The following MMP26 variants were observed in gnomAD, a reference collection of about 807,000 sequenced individuals.
The protein encoded by MMP26 is matrix metallopeptidase 26.
MMP26 carries 33 observed loss-of-function variants against 31.0 expected under a neutral mutation model. The ratio of observed to expected loss-of-function variants is 1.06; its 90% CI spans 0.81 to 1.42. The LOEUF is 1.42. MMP26 is among the 40% of genes most tolerant of loss of function. The pLI, the probability that MMP26 is intolerant of heterozygous loss-of-function variation, is 0.00. For synonymous variants in MMP26, 122 were observed against 114.9 expected, an observed-to-expected ratio of 1.06 and a Z score of -0.40; for missense variants, 347 against 316.1, an observed-to-expected ratio of 1.10 and a Z score of -0.74.
At chr11:4,764,874 T>TCACACACACACACA (rs149703459) in intron 1 of MMP26, among the ~76,000 whole-genome samples, 3,895 of 151,334 alleles carry the variant, frequency 0.026, 59 homozygotes, top group South Asian at 0.064. Context: ...CGAGACTCCA[T>TCACACACACACACA]CACAGACACA....
chr11:4,956,126 G>A (rs1846439971), intron 2 of MMP26, among the ~76,000 whole-genome samples: 1 of 152,088 alleles, frequency 6.6e-6, no homozygotes. Flanking sequence ...GTGATCAGTT[G>A]CCAAAAAAGA....
intron 2 of MMP26, 79 bp from the exon 3 acceptor site, chr11:4,987,989 C>G: frequency 1.8e-6 from 1 of 570,080 alleles, no homozygotes; most frequent in South Asian, 2.0e-5. Context: ...TGAGGACCAT[C>G]AGGTGTGAAC....
intron 2 of MMP26, chr11:4,875,609 C>T (rs1850368990): frequency 6.6e-6 from 1 of 152,134 alleles, no homozygotes; most frequent in Non-Finnish European, 1.5e-5. Flanking sequence ...TCCAGTCCTG[C>T]TCAAGCTGCC....
chr11:4,770,619 C>T (rs547904542), intron 2 of MMP26, among the ~76,000 whole-genome samples: 10 of 151,956 alleles, frequency 6.6e-5, no homozygotes, highest in Non-Finnish European at 1.2e-4. Flanking sequence ...CAGAGGTGGG[C>T]GGATCACGAG....
intron 2 of MMP26, among the ~76,000 whole-genome samples, chr11:4,940,123 T>G (rs2133599707): frequency 6.6e-6 from 1 of 152,110 alleles, no homozygotes; most frequent in South Asian, 2.1e-4. Flanking sequence ...GCTATTTTGA[T>G]TAATGATCTA....
rs112952295 is a variant in MMP26 at position 4,746,653 on chromosome 11, G to A, written c.-216-20617G>A. 4.7e-4 allele frequency among the ~76,000 whole-genome samples: 71 copies of A among 152,160 alleles called. No individual in the cohort carries two copies. In the Middle Eastern group the frequency reaches 0.014, roughly 29 times the overall value. ...GTTTGAGACCAGCCGGGCCAACAAG[G>A]TGAAACCCCGTCTCTGCTAAAAATA... On this transcript the variant is annotated intron_variant, in intron 1 of 7. Transcript: ENST00000380390.
chr11:4,724,585 A>C (rs956496106), intron 1 of MMP26, among the ~76,000 whole-genome samples: 1 of 152,222 alleles, frequency 6.6e-6, no homozygotes, highest in Admixed American at 6.5e-5. Flanking sequence ...GGAAGCAAAA[A>C]TTATACCCCA....
At chr11:4,931,109 A>C (rs1180289091) in intron 2 of MMP26, among the ~76,000 whole-genome samples, 1 of 152,038 alleles carries the variant, frequency 6.6e-6, no homozygotes, top group East Asian at 1.9e-4. Flanking sequence ...GAATATTGCA[A>C]GCTTGAATTT....
chr11:4,882,793 C>T (rs913006089), intron 2 of MMP26: 1 of 1,613,746 alleles, frequency 6.2e-7, no homozygotes, highest in African/African-American at 1.3e-5. Flanking sequence ...GCTTGAAGAC[C>T]AAGACAATCC....
At position 4,769,753 on chromosome 11, in the gene MMP26, C is replaced by G. The variant is rs946566541; in HGVS notation, c.-145+2412C>G. 3.1e-6 allele frequency: 5 copies of G among 1,613,978 alleles called. No homozygotes were observed. In the Admixed American group the frequency reaches 5.0e-5, roughly 16 times the overall value. The stretch of plus-strand genomic sequence containing the variant: ...AATAATACATGGGTTCATGGAGACT[C>G]TGCTGGGTAATGATGACAAACAGGA... On this transcript the variant is annotated intron_variant, in intron 2 of 7. Coordinates refer to ENST00000380390, the MANE Select transcript of MMP26 (RefSeq NM_021801.5).
chr11:4,955,015 C>G (rs1207081271), intron 2 of MMP26: 1 of 1,405,094 alleles, frequency 7.1e-7, no homozygotes. Flanking sequence ...TAAGCTCCTC[C>G]TTTTTGGATG....
chr11:4,775,012 G>A (rs1308361710), intron 2 of MMP26, among the ~76,000 whole-genome samples: 1 of 152,128 alleles, frequency 6.6e-6, no homozygotes, highest in Admixed American at 6.5e-5. Context: ...CCAGTACCAT[G>A]CTGTTTTGGT....
chr11:4,868,550 G>A (rs1850268004), intron 2 of MMP26, among the ~76,000 whole-genome samples: 1 of 152,064 alleles, frequency 6.6e-6, no homozygotes, highest in African/African-American at 2.4e-5. Flanking sequence ...ACAAACCACT[G>A]CTCAAGGAAA....
At chr11:4,755,251 C>T (rs1050598400) in intron 1 of MMP26, among the ~76,000 whole-genome samples, 10 of 151,382 alleles carry the variant, frequency 6.6e-5, no homozygotes, top group Non-Finnish European at 1.3e-4. Context: ...AAAAAAAACA[C>T]AAGCAGCACT....
chr11:4,927,461 C>G (rs1476807820), intron 2 of MMP26, among the ~76,000 whole-genome samples: 1 of 152,072 alleles, frequency 6.6e-6, no homozygotes, highest in Non-Finnish European at 1.5e-5. Context: ...AGGACTAGAA[C>G]CACAGGTCAA....
At chr11:4,914,952 C>T in intron 2 of MMP26, 1 of 1,614,120 alleles carries the variant, frequency 6.2e-7, no homozygotes, top group Non-Finnish European at 8.5e-7. Flanking sequence ...TTGAATCTCT[C>T]AGCCCTGGAG....
chr11:4,794,044 T>C (rs1564911050), intron 2 of MMP26: 1 of 152,176 alleles, frequency 6.6e-6, no homozygotes, highest in Non-Finnish European at 1.5e-5. Context: ...CAGCCTGCAA[T>C]GTCTGATATC....
intron 2 of MMP26, chr11:4,924,444 A>G: frequency 8.4e-7 from 1 of 1,187,210 alleles, no homozygotes; most frequent in Non-Finnish European, 1.2e-6. Context: ...TCAGCCAGTA[A>G]GGAAGCATCT....
At chr11:4,860,126 C>T (rs1294365123) in intron 2 of MMP26, 6 of 470,982 alleles carry the variant, frequency 1.3e-5, no homozygotes, top group Non-Finnish European at 2.6e-5. Flanking sequence ...ACAGCTATTC[C>T]AGTCTTTCGA....
Sources: gnomAD v4.1 joint callset for allele counts (sites outside exome capture counted in the v4.1 genomes callset) on GRCh38, gnomAD v4.1.1 for gene constraint, MANE v1.5 for transcripts, NCBI Gene and HGNC (gene_info 2026-07-23, HGNC 2026-07-21) for gene names.